Variants in TOP2B observed in about 807,000 individuals in gnomAD.
TOP2B encodes DNA topoisomerase II beta.
A neutral mutation model predicts 193.5 loss-of-function variants in TOP2B; 51 were observed. The ratio of observed to expected loss-of-function variants is 0.26; its 90% CI spans 0.21 to 0.33. The LOEUF (loss-of-function observed/expected upper bound fraction) is 0.33. Among genes scored for constraint, TOP2B ranks in the 10% least tolerant of loss-of-function variants. The probability of loss-of-function intolerance (pLI) is 1.00; values close to 1 mark genes in which losing one functional copy is unlikely to be tolerated. For synonymous variants in TOP2B, 634 were observed against 635.7 expected (o/e 1.00, Z 0.04); for missense variants, 1,378 against 1,909.3 (o/e 0.72, Z 5.19).
At position 25,637,225 on chromosome 3, in the gene TOP2B, C is replaced by T. The variant is rs202236498; in HGVS notation, c.629G>A (p.Ser210Asn). 673 of 1,553,256 alleles carry T rather than the reference C, an allele frequency of 4.3e-4. No individual in the cohort carries two copies. The highest frequency in any genetic ancestry group is 5.6e-4 in the Non-Finnish European group (637 of 1,146,652). The change falls in exon 6 of 36, where the codon AGT becomes AAT. Residue 210 changes from serine to asparagine, a missense_variant. Ser to Asn is a conservative substitution (Grantham distance 46). Transcript: ENST00000264331. ...VETACKEYKH[S>N]FKQTWMNNMM... ...GTGTTTCTAGCATACCTGCTTAAAACTGTGTTTGTATTCTTTGCAAGCTGT... is the reference window on the plus strand; with the variant it reads ...GTGTTTCTAGCATACCTGCTTAAAATTGTGTTTGTATTCTTTGCAAGCTGT...
At chr3:25,649,925 G>A (rs1703533859) in intron 1 of TOP2B, among the ~76,000 whole-genome samples, 1 of 152,184 alleles carries the variant, frequency 6.6e-6, no homozygotes, top group Non-Finnish European at 1.5e-5. Context: ...TAAAGGTCAA[G>A]ACACTTTTAT....
At chr3:25,625,947 G>C (rs1397823249) in intron 18 of TOP2B, among the ~76,000 whole-genome samples, 2 of 152,092 alleles carry the variant, frequency 1.3e-5, no homozygotes, top group African/African-American at 4.8e-5. Flanking sequence ...TGCTAGGAAG[G>C]CTTCATAGAA....
At position 25,627,258 on chromosome 3, in the gene TOP2B, A is replaced by G. The variant is rs2125373710; in HGVS notation, c.1945T>C (p.Phe649Leu). 1 of 1,609,228 alleles carries G rather than the reference A, an allele frequency of 6.2e-7. No individual in the cohort carries two copies. Among genetic ancestry groups the G allele is most frequent in the Non-Finnish European group, 8.5e-7 (1 of 1,178,220 alleles). The change falls in exon 16 of 36, where the codon TTT becomes CTT. Residue 649 changes from phenylalanine to leucine, a missense_variant. By Grantham distance (22) the Phe-to-Leu change is conservative. Around this residue, in one of 9 missense-constraint regions of TOP2B, gnomAD observed 379 missense variants for 615.1 expected, o/e 0.62. Transcript: ENST00000264331. ...ATGCGATGCCTTTCCATATCAGCAA[A>G]ATATTCCTTTGCTTCTTTAGCTGTA... Reference protein sequence around the residue: ...TSTAKEAKEYFADMERHRILF... With the variant: ...TSTAKEAKEYLADMERHRILF...
Position 25,642,376 on chromosome 3 carries a change from G to A in TOP2B, c.341C>T (p.Ala114Val). The change falls in exon 4 of 36, where the codon GCT becomes GTT. Residue 114 changes from alanine (A) to valine (V), a missense_variant. By Grantham distance (64) the Ala-to-Val change is moderately conservative (BLOSUM62 0). This residue lies in a region of TOP2B where 35 missense variants were observed against 85.8 expected (regional missense o/e 0.41). Coordinates refer to ENST00000264331, the MANE Select transcript of TOP2B (RefSeq NM_001330700.2). Reference protein sequence around the residue: ...KIFDEILVNAADNKQRDKNMT... With the variant: ...KIFDEILVNAVDNKQRDKNMT... Reference sequence around the variant, plus strand: ...GTTCTTATCCCTCTGTTTATTGTCAGCAGCATTAACTACAAAATTAAACAC... The same window carrying A: ...GTTCTTATCCCTCTGTTTATTGTCAACAGCATTAACTACAAAATTAAACAC... The A allele has an allele frequency of 6.5e-7, 1 of 1,545,880 alleles. No homozygotes were observed. Among genetic ancestry groups the A allele is most frequent in the Non-Finnish European group, 8.8e-7 (1 of 1,142,496 alleles).
chr3:25,607,946 AT>A (rs577914829), intron 30 of TOP2B, among the ~76,000 whole-genome samples: 3 of 151,816 alleles, frequency 2.0e-5, no homozygotes, highest in African/African-American at 7.3e-5. Flanking sequence ...TTCCTGGCTG[AT>A]TTTTTTTAAA....
intron 8 of TOP2B, among the ~76,000 whole-genome samples, chr3:25,633,407 C>T (rs1465933351): frequency 1.3e-5 from 2 of 152,090 alleles, no homozygotes; most frequent in Non-Finnish European, 2.9e-5. Flanking sequence ...ACATGCCACC[C>T]TCTTGGCACC....
chr3:25,622,759 G>C (rs1271562636), intron 21 of TOP2B, among the ~76,000 whole-genome samples: 1 of 151,214 alleles, frequency 6.6e-6, no homozygotes, highest in Non-Finnish European at 1.5e-5. Flanking sequence ...TCCTGCCTCT[G>C]CCTCCCAAGT....
intron 1 of TOP2B, among the ~76,000 whole-genome samples, chr3:25,650,304 C>A (rs559555007): frequency 1.1e-4 from 16 of 152,288 alleles, no homozygotes; most frequent in Non-Finnish European, 2.2e-4. Flanking sequence ...TTCATAAAGT[C>A]AACAAGCAAA....
At chr3:25,623,852 G>A in intron 20 of TOP2B, 106 bp from the exon 21 acceptor site, 1 of 724,560 alleles carries the variant, frequency 1.4e-6, no homozygotes, top group Non-Finnish European at 2.2e-6. Flanking sequence ...CTTTTGAAGA[G>A]AATGCATTTT....
chr3:25,599,582 G>C, intron 34 of TOP2B, 53 bp from the exon 35 acceptor site: 1 of 1,500,268 alleles, frequency 6.7e-7, no homozygotes, highest in Non-Finnish European at 9.1e-7. Context: ...AATATAAAAA[G>C]ATAAATGCCA....
In TOP2B at chr3:25,601,097, C is replaced by T; in HGVS notation, c.4615+3G>A. The T allele has an allele frequency of 1.2e-6, 2 of 1,613,062 alleles. No homozygotes were observed. The highest frequency in any genetic ancestry group is 2.2e-5 in the East Asian group (1 of 44,844). ...TAAAGGGTTATAAGAAGATAATCCT[C>T]ACCTTTTGGTGTTGTAGTCTTCTTT... On this transcript the variant is annotated splice_donor_region_variant and intron_variant, in intron 34 of 35. Transcript: ENST00000264331.
chr3:25,623,842 C>A (rs1044432963), intron 20 of TOP2B, 96 bp from the exon 21 acceptor site: 72 of 757,694 alleles, frequency 9.5e-5, no homozygotes, highest in Admixed American at 2.9e-4. Context: ...AAAAACAAAT[C>A]TTTTGAAGAG....
intron 25 of TOP2B, among the ~76,000 whole-genome samples, chr3:25,616,800 C>T (rs974026359): frequency 1.4e-4 from 22 of 151,814 alleles, no homozygotes; most frequent in African/African-American, 5.1e-4. Flanking sequence ...TTTGACTACA[C>T]CCAAAGTATT....
Position 25,637,264 on chromosome 3 carries a change from T to C in TOP2B, c.590A>G (p.Lys197Arg), listed in dbSNP as rs1228536434. ...TTTGCAAGCTGTTTCTACTGTAAAC[T>C]TTGTACTGAAAATATTACAAAGTTT... ...GAKLCNIFST[K>R]FTVETACKEY... is the part of the protein sequence containing the mutation. The change falls in exon 6 of 36, where the codon AAG becomes AGG. Residue 197 changes from lysine to arginine, a missense_variant. By Grantham distance (26) the Lys-to-Arg change is conservative. Coordinates refer to ENST00000264331, the MANE Select transcript of TOP2B (RefSeq NM_001330700.2). 1 of 1,561,236 alleles carries C rather than the reference T, an allele frequency of 6.4e-7. No homozygotes were observed.
At chr3:25,618,618 T>A in intron 24 of TOP2B, 36 bp downstream of exon 24, 1 of 1,561,930 alleles carries the variant, frequency 6.4e-7, no homozygotes, top group South Asian at 1.2e-5. Context: ...TTTTCCATTT[T>A]AACTAATGTT....
intron 33 of TOP2B, 49 bp from the exon 34 acceptor site, chr3:25,601,274 C>T: frequency 6.3e-7 from 1 of 1,577,626 alleles, no homozygotes; most frequent in Non-Finnish European, 8.6e-7. Context: ...ACCAACAAAC[C>T]AAACTGAAGA....
In TOP2B at chr3:25,598,507, TATGAA is replaced by T. The variant is rs775833645; in HGVS notation, c.4711-35_4711-31del. 2.6e-6 allele frequency: 4 copies of T among 1,524,578 alleles called. No homozygotes were observed. In the East Asian group the frequency reaches 7.0e-5, roughly 27 times the overall value. 94.4% of individuals were successfully genotyped at this position (1,524,578 alleles called of 1,614,324 possible). A position where few individuals can be genotyped will look rare whatever the true frequency, so the allele number is the denominator to read the frequency against. On this transcript the variant is annotated intron_variant, in intron 35 of 35. Transcript: ENST00000264331. ...ATTTTTTTTCAATAGATTTAAAAGT[TATGAA>T]AGGAAGTAAAGACTAGTATTAAGAA...
intron 3 of TOP2B, among the ~76,000 whole-genome samples, chr3:25,642,649 T>C (rs1575582162): frequency 6.6e-6 from 1 of 152,114 alleles, no homozygotes; most frequent in African/African-American, 2.4e-5. Context: ...CAAAACATAT[T>C]AAGTAAGAAC....
In TOP2B at chr3:25,602,410, G is replaced by GA. The variant is rs1702121540; in HGVS notation, c.4490-1186dup. On this transcript the variant is annotated intron_variant, in intron 33 of 35. Coordinates refer to ENST00000264331, the MANE Select transcript of TOP2B (RefSeq NM_001330700.2). ...AGACTCTGTCTCAAAAAAAAAAAAA[G>GA]AAAAAGAAAAAAAAAAAACTGATAA... Among the ~76,000 whole-genome samples the GA allele has an allele frequency of 4.2e-4, 38 of 89,530 alleles. 1 individual carries two copies. Among genetic ancestry groups the GA allele is most frequent in the African/African-American group, 1.4e-3 (30 of 21,914 alleles). 58.7% of individuals were successfully genotyped at this position (89,530 alleles called of 152,430 possible).
Sources: allele counts gnomAD v4.1 joint callset (sites outside exome capture counted in the v4.1 genomes callset), GRCh38; gene constraint gnomAD v4.1.1; regional missense constraint gnomAD v4.1.1; transcripts MANE v1.5; gene names NCBI Gene and HGNC (gene_info 2026-07-23, HGNC 2026-07-21).